FARS2: variants seen among roughly 807,000 people sequenced by gnomAD.
The protein encoded by FARS2 is phenylalanine--tRNA ligase, mitochondrial.
In FARS2, 40 loss-of-function variants were observed where a neutral mutation model predicts 46.4. The ratio of observed to expected loss-of-function variants is 0.86; its 90% CI spans 0.67 to 1.12. FARS2 has a LOEUF of 1.12. FARS2 is among the 50% of genes most tolerant of loss of function. The pLI is 0.00. For synonymous variants in FARS2, 234 were observed against 214.9 expected (o/e 1.09, Z -0.78); for missense variants, 513 against 567.9 (o/e 0.90, Z 0.98).
intron 6 of FARS2, among the ~76,000 whole-genome samples, chr6:5,722,678 G>A (rs1033766388): frequency 9.9e-5 from 15 of 152,084 alleles, no homozygotes; most frequent in Admixed American, 3.3e-4. Flanking sequence ...TACACTGATC[G>A]GGCCTGAGGA....
chr6:5,287,421 G>A (rs971123761), intron 1 of FARS2, among the ~76,000 whole-genome samples: 3 of 152,086 alleles, frequency 2.0e-5, no homozygotes, highest in Non-Finnish European at 4.4e-5. Flanking sequence ...GTTCCTTCCC[G>A]GCCGCACTGT....
chr6:5,347,348 C>T (rs933153397), intron 1 of FARS2, among the ~76,000 whole-genome samples: 2 of 152,052 alleles, frequency 1.3e-5, no homozygotes, highest in Admixed American at 6.5e-5. Context: ...ATCTAGAAGT[C>T]GGTATTGTTC....
At chr6:5,635,526 G>A (rs1776501308) in intron 6 of FARS2, among the ~76,000 whole-genome samples, 1 of 152,170 alleles carries the variant, frequency 6.6e-6, no homozygotes, top group African/African-American at 2.4e-5. Context: ...AAGGAAAAAA[G>A]TTGCAATATA....
intron 5 of FARS2, among the ~76,000 whole-genome samples, chr6:5,594,304 G>A (rs1398725778): frequency 2.6e-5 from 4 of 152,154 alleles, no homozygotes; most frequent in Non-Finnish European, 5.9e-5. Context: ...CAACACCCTT[G>A]TTCCTTCAGT....
intron 1 of FARS2, among the ~76,000 whole-genome samples, chr6:5,284,067 A>G (rs771088665): frequency 8.5e-5 from 13 of 152,258 alleles, no homozygotes; most frequent in African/African-American, 1.2e-4. Context: ...GTGTTATCAA[A>G]CAATTTGATC....
chr6:5,501,815 AAAGT>A (rs1767818374), intron 4 of FARS2, among the ~76,000 whole-genome samples: 2 of 152,202 alleles, frequency 1.3e-5, no homozygotes, highest in Admixed American at 1.3e-4. Flanking sequence ...TTTTTAAAAT[AAAGT>A]ATCATTACGG....
intron 3 of FARS2, among the ~76,000 whole-genome samples, chr6:5,430,588 A>T (rs564881355): frequency 6.5e-4 from 99 of 151,778 alleles, no homozygotes; most frequent in African/African-American, 2.3e-3. Context: ...ATTTATATAT[A>T]CTTATGGAAG....
At chr6:5,525,199 C>G (rs921875669) in intron 4 of FARS2, among the ~76,000 whole-genome samples, 1 of 150,940 alleles carries the variant, frequency 6.6e-6, no homozygotes, top group Non-Finnish European at 1.5e-5. Flanking sequence ...GAGCTCCCCC[C>G]ATAAAAAAAC....
At chr6:5,737,015 A>G (rs1267111126) in intron 6 of FARS2, among the ~76,000 whole-genome samples, 3 of 152,170 alleles carry the variant, frequency 2.0e-5, no homozygotes, top group Non-Finnish European at 4.4e-5. Flanking sequence ...ATTTAAATTT[A>G]CTCTACTTTC....
intron 6 of FARS2, among the ~76,000 whole-genome samples, chr6:5,637,872 T>C (rs1776620421): frequency 6.6e-6 from 1 of 152,186 alleles, no homozygotes; most frequent in Non-Finnish European, 1.5e-5. Context: ...TAGGCCACCC[T>C]AATGACCTCT....
At chr6:5,254,314 GA>G in the FARS2 span, among the ~76,000 whole-genome samples, 9 of 152,274 alleles carry the variant, frequency 5.9e-5, no homozygotes, top group African/African-American at 1.7e-4. Context: ...TTTTTGTAGG[GA>G]AAACGCTTCC....
At chr6:5,332,704 A>G (rs1247494135) in intron 1 of FARS2, among the ~76,000 whole-genome samples, 1 of 152,248 alleles carries the variant, frequency 6.6e-6, no homozygotes, top group African/African-American at 2.4e-5. Flanking sequence ...GAGGAAACAA[A>G]TAAAACAAGG....
At chr6:5,331,159 A>G (rs1377937331) in intron 1 of FARS2, among the ~76,000 whole-genome samples, 1 of 148,040 alleles carries the variant, frequency 6.8e-6, no homozygotes, top group Non-Finnish European at 1.5e-5. Flanking sequence ...TTTTGAGTCT[A>G]TTTCTATGAT....
chr6:5,711,492 C>T (rs1183948937), intron 6 of FARS2, among the ~76,000 whole-genome samples: 14 of 152,166 alleles, frequency 9.2e-5, no homozygotes, highest in Non-Finnish European at 2.1e-4. Context: ...AAGCTGACGA[C>T]CACTGCTTCC....
chr6:5,741,742 C>T (rs1255552430), intron 6 of FARS2, among the ~76,000 whole-genome samples: 2 of 152,214 alleles, frequency 1.3e-5, no homozygotes, highest in Admixed American at 6.5e-5. Flanking sequence ...CCTCTGCCTC[C>T]TGGGTTCAAG....
At chr6:5,503,391 CACACACACACACACAGAG>C (rs1407563479) in intron 4 of FARS2, among the ~76,000 whole-genome samples, 5 of 67,440 alleles carry the variant, frequency 7.4e-5, no homozygotes, top group African/African-American at 4.1e-4. Context: ...CACACACACA[CACACACACACACACAGAG>C]AGAGAGAGAG....
At chr6:5,528,550 G>A (rs909513343) in intron 4 of FARS2, among the ~76,000 whole-genome samples, 1 of 152,114 alleles carries the variant, frequency 6.6e-6, no homozygotes, top group Admixed American at 6.5e-5. Context: ...ATGGAGTTAC[G>A]CATACCTGGG....
In FARS2 at chr6:5,528,202, T is replaced by TA. The variant is rs929658940; in HGVS notation, c.905-16968dup. 3.6e-4 allele frequency among the ~76,000 whole-genome samples: 54 copies of TA among 149,148 alleles called. 1 individual carries two copies. The highest frequency in any genetic ancestry group is 1.1e-3 in the South Asian group (5 of 4,690). Reference sequence around the variant, plus strand: ...CTTTACCTTTTTTAAAATTTGTATTTAAAAAAAAAAGAGATGGAGGTTTCA... The same window carrying TA: ...CTTTACCTTTTTTAAAATTTGTATTTAAAAAAAAAAAGAGATGGAGGTTTCA... On this transcript the variant is annotated intron_variant, in intron 4 of 6. Transcript: ENST00000274680.
rs1776249316 is a variant in FARS2 at position 5,630,530 on chromosome 6, C to T, written c.1217+17210C>T. ...TGTCTCATGGAGCAAGCAAAACGTC[C>T]TGACTCTGGAAACCAGACCTGCCTC... On this transcript the variant is annotated intron_variant, in intron 6 of 6. Coordinates refer to ENST00000274680, the MANE Select transcript of FARS2 (RefSeq NM_006567.5). The surrounding 1 kb of genome is among the most constrained non-coding windows in gnomAD (Gnocchi z 4.2). Among the ~76,000 whole-genome samples, 1 of 152,198 alleles carries T rather than the reference C, an allele frequency of 6.6e-6. No individual in the cohort carries two copies. The highest frequency in any genetic ancestry group is 2.1e-4 in the South Asian group (1 of 4,832).
Sources: allele counts gnomAD v4.1 joint callset (sites outside exome capture counted in the v4.1 genomes callset), GRCh38; gene constraint gnomAD v4.1.1; non-coding constraint Gnocchi (gnomAD v3.1); transcripts MANE v1.5; gene names NCBI Gene and HGNC (gene_info 2026-07-23, HGNC 2026-07-21).